The following AFF2 variants were observed in gnomAD, a reference collection of about 807,000 sequenced individuals.
AFF2 encodes the protein ALF transcription elongation factor 2.
In AFF2, 14 loss-of-function variants were observed where a neutral mutation model predicts 76.9. The ratio of observed to expected loss-of-function variants is 0.18; its 90% confidence interval spans 0.12 to 0.28. AFF2 has a LOEUF of 0.28. Ranked by LOEUF, AFF2 falls within the 10% of genes least tolerant of loss-of-function variation. The probability of loss-of-function intolerance (pLI) is 1.00; values close to 1 mark genes in which losing one functional copy is unlikely to be tolerated. For synonymous variants in AFF2, 398 were observed against 366.7 expected (o/e 1.09, Z -0.98); for missense variants, 868 against 1,001.1 (o/e 0.87, Z 1.79).
intron 3 of AFF2, among the ~76,000 whole-genome samples, chrX:148,746,081 C>G (rs1345493594): frequency 1.8e-5 from 2 of 111,785 alleles, no homozygotes; most frequent in Non-Finnish European, 3.8e-5. Flanking sequence ...CCTGCATAAG[C>G]AAGCACAGTG....
At chrX:148,967,122 T>C (rs2072189063) in intron 14 of AFF2, 43 bp downstream of exon 14, 1 of 1,191,615 alleles carries the variant, frequency 8.4e-7, no homozygotes, top group Non-Finnish European at 1.1e-6. Flanking sequence ...GAGTAGTGAA[T>C]GGGGGGTGGG....
At chrX:148,854,109 G>T (rs1312456231) in intron 7 of AFF2, among the ~76,000 whole-genome samples, 2 of 111,541 alleles carry the variant, frequency 1.8e-5, no homozygotes, top group East Asian at 2.8e-4. Flanking sequence ...AAAATTTCAG[G>T]TTGCTACTAT....
intron 3 of AFF2, among the ~76,000 whole-genome samples, chrX:148,767,526 G>A (rs909614087): frequency 8.9e-6 from 1 of 112,144 alleles, no homozygotes; most frequent in African/African-American, 3.2e-5. Context: ...AAGTTTCTCA[G>A]GGAATTTGCC....
intron 1 of AFF2, among the ~76,000 whole-genome samples, chrX:148,561,207 A>C (rs1436450765): frequency 4.5e-5 from 5 of 112,069 alleles, no homozygotes; most frequent in Non-Finnish European, 9.4e-5. Flanking sequence ...AACATTTGAG[A>C]TTTCTTTTAG....
chrX:148,656,011 G>A (rs782534405), intron 2 of AFF2, among the ~76,000 whole-genome samples: 3 of 112,041 alleles, frequency 2.7e-5, no homozygotes, highest in Non-Finnish European at 3.8e-5. Flanking sequence ...GTCCAATAGC[G>A]CCAGTGGTTC....
At chrX:148,753,600 A>G (rs1392054403) in intron 3 of AFF2, among the ~76,000 whole-genome samples, 1 of 112,142 alleles carries the variant, frequency 8.9e-6, no homozygotes, top group Admixed American at 9.5e-5. Context: ...TTTGTAAAAC[A>G]TTAATATTGA....
chrX:148,667,315 C>G (rs938072162), intron 3 of AFF2, among the ~76,000 whole-genome samples: 5 of 112,069 alleles, frequency 4.5e-5, no homozygotes, highest in African/African-American at 1.3e-4. Flanking sequence ...ATAGTAAACT[C>G]AGGTCCCTTG....
At chrX:148,505,955 CTGTGTGTGTG>C (rs3838386) in intron 1 of AFF2, among the ~76,000 whole-genome samples, 1 of 102,422 alleles carries the variant, frequency 9.8e-6, no homozygotes, top group African/African-American at 3.6e-5. Flanking sequence ...GTGTGTGTGT[CTGTGTGTGTG>C]TGTGTGTGTG....
chrX:148,605,927 G>A (rs1360497814), intron 1 of AFF2, among the ~76,000 whole-genome samples: 1 of 112,047 alleles, frequency 8.9e-6, no homozygotes, highest in Non-Finnish European at 1.9e-5. Flanking sequence ...ATGAATATTT[G>A]AGGAGAAACA....
intron 11 of AFF2, 101 bp from the exon 12 acceptor site, chrX:148,958,236 A>T (rs2072064837): frequency 9.2e-7 from 1 of 1,085,077 alleles, no homozygotes; most frequent in East Asian, 3.1e-5. Flanking sequence ...AAGTTAAAAT[A>T]AAAGCAAACT....
At chrX:148,909,362 A>G (rs1297714773) in intron 9 of AFF2, among the ~76,000 whole-genome samples, 2 of 112,246 alleles carry the variant, frequency 1.8e-5, no homozygotes, top group African/African-American at 6.5e-5. Flanking sequence ...TGTCACTTCC[A>G]CATCTAACTA....
intron 1 of AFF2, among the ~76,000 whole-genome samples, chrX:148,502,204 G>T (rs781957107): frequency 6.2e-5 from 7 of 112,097 alleles, no homozygotes; most frequent in Non-Finnish European, 1.3e-4. Context: ...TGCATTCTTG[G>T]TTATTGCCTT....
intron 1 of AFF2, among the ~76,000 whole-genome samples, chrX:148,546,176 G>T (rs1557238139): frequency 9.0e-6 from 1 of 111,543 alleles, no homozygotes; most frequent in African/African-American, 3.3e-5. Context: ...AAATCTTGCT[G>T]AATCTTTTTC....
chrX:148,652,726 G>A (rs1380443008), intron 2 of AFF2, among the ~76,000 whole-genome samples: 8 of 111,653 alleles, frequency 7.2e-5, no homozygotes, highest in Admixed American at 3.8e-4. Context: ...TCTGACTAGT[G>A]TGTAGCTCCA....
intron 3 of AFF2, among the ~76,000 whole-genome samples, chrX:148,712,893 A>G (rs781902807): frequency 1.1e-4 from 12 of 111,854 alleles, no homozygotes; most frequent in South Asian, 3.7e-4. Context: ...AATGAAAATA[A>G]GTGTGTAAAA....
rs782371539 is a variant in AFF2, at chrX:148,934,178, A to G, written c.1398-19402A>G. ...TTGATCACCAGTCAGCTTTCAAAAT[A>G]AAATAGCTGGGTGTTTTAAAGAAAA... On this transcript the variant is annotated intron_variant, in intron 9 of 20. Coordinates refer to ENST00000370460, the MANE Select transcript of AFF2 (RefSeq NM_002025.4). 7.1e-5 allele frequency among the ~76,000 whole-genome samples: 8 copies of G among 112,714 alleles called. No homozygotes were observed. In the South Asian group the frequency reaches 2.6e-3, roughly 36 times the overall value.
intron 2 of AFF2, among the ~76,000 whole-genome samples, chrX:148,658,299 G>A (rs2054273193): frequency 8.9e-6 from 1 of 112,132 alleles, no homozygotes; most frequent in African/African-American, 3.2e-5. Flanking sequence ...CAGCAACTCA[G>A]AAAGCATCAC....
At chrX:148,612,502 G>A (rs782639775) in intron 1 of AFF2, among the ~76,000 whole-genome samples, 63 of 112,060 alleles carry the variant, frequency 5.6e-4, no homozygotes, top group African/African-American at 1.9e-3. Flanking sequence ...ATGCAACCAC[G>A]TTAGCAAATG....
intron 1 of AFF2, among the ~76,000 whole-genome samples, chrX:148,531,226 A>T (rs782414065): frequency 8.9e-6 from 1 of 111,982 alleles, no homozygotes; most frequent in East Asian, 2.8e-4. Flanking sequence ...TGTATTTGCC[A>T]GGAGGACTGA....
Sources: gnomAD v4.1 joint callset for allele counts (sites outside exome capture counted in the v4.1 genomes callset) on GRCh38, gnomAD v4.1.1 for gene constraint, MANE v1.5 for transcripts, NCBI Gene and HGNC (gene_info 2026-07-23, HGNC 2026-07-21) for gene names.